The following TRPC5 variants were observed in gnomAD, a reference collection of about 807,000 sequenced individuals.
TRPC5 encodes transient receptor potential cation channel subfamily C member 5.
A neutral mutation model predicts 56.5 loss-of-function variants in TRPC5; 9 were observed. The ratio of observed to expected loss-of-function variants is 0.16; its 90% confidence interval spans 0.10 to 0.28. The LOEUF is 0.28. Ranked by LOEUF, TRPC5 falls within the 10% of genes least tolerant of loss-of-function variation. The pLI is 1.00. For missense variants in TRPC5, 469 were observed against 748.9 expected (o/e 0.63, Z 4.36); for synonymous variants, 282 against 278.5 (o/e 1.01, Z -0.13).
chrX:112,038,514 G>A (rs1929807736), intron 1 of TRPC5, among the ~76,000 whole-genome samples: 1 of 111,846 alleles, frequency 8.9e-6, no homozygotes, highest in Non-Finnish European at 1.9e-5. Context: ...TCCCTGTGCT[G>A]TAGGTGTTCT....
intron 1 of TRPC5, among the ~76,000 whole-genome samples, chrX:112,019,536 C>T (rs1929215595): frequency 9.0e-6 from 1 of 110,557 alleles, no homozygotes; most frequent in African/African-American, 3.3e-5. Context: ...CGCGGGTTCA[C>T]GCCATTCTCC....
chrX:111,834,259 T>C (rs1370198097), intron 7 of TRPC5, among the ~76,000 whole-genome samples: 1 of 111,415 alleles, frequency 9.0e-6, no homozygotes, highest in Non-Finnish European at 1.9e-5. Flanking sequence ...TAGGAGTGCC[T>C]TGCAATGGAG....
intron 1 of TRPC5, among the ~76,000 whole-genome samples, chrX:111,990,140 G>T (rs147007022): frequency 8.9e-6 from 1 of 112,272 alleles, no homozygotes; most frequent in Non-Finnish European, 1.9e-5. Context: ...CTTTGCAGCC[G>T]GGTGTAGTGG....
intron 7 of TRPC5, among the ~76,000 whole-genome samples, chrX:111,801,317 C>G (rs1213203077): frequency 8.9e-6 from 1 of 111,814 alleles, no homozygotes; most frequent in Non-Finnish European, 1.9e-5. Flanking sequence ...TGTTTCCACT[C>G]TTTGCTATTG....
chrX:111,968,935 C>A (rs1430324987), intron 1 of TRPC5, among the ~76,000 whole-genome samples: 1 of 105,549 alleles, frequency 9.5e-6, no homozygotes, highest in African/African-American at 3.5e-5. Context: ...TGTAACAAAC[C>A]TGCACATTGC....
At chrX:111,988,512 A>G (rs1252752337) in intron 1 of TRPC5, among the ~76,000 whole-genome samples, 3 of 110,679 alleles carry the variant, frequency 2.7e-5, no homozygotes, top group Non-Finnish European at 3.8e-5. Flanking sequence ...GCTTGGAAAC[A>G]TGAGTTGTCA....
At chrX:112,060,651 C>T in intron 1 of TRPC5, among the ~76,000 whole-genome samples, 1 of 111,755 alleles carries the variant, frequency 8.9e-6, no homozygotes, top group Middle Eastern at 4.6e-3. Flanking sequence ...ACTGGGGGTG[C>T]ACATGAACCT....
At chrX:111,903,145 A>G (rs1171743922) in intron 3 of TRPC5, 1 of 111,746 alleles carries the variant, frequency 8.9e-6, no homozygotes, top group East Asian at 2.8e-4. Context: ...GGAACTAGAT[A>G]AGATATATTC....
At chrX:111,940,939 G>A (rs1926760908) in intron 2 of TRPC5, among the ~76,000 whole-genome samples, 3 of 111,360 alleles carry the variant, frequency 2.7e-5, no homozygotes, top group African/African-American at 3.3e-5. Flanking sequence ...CTGCACACTT[G>A]AGTGTCTTGA....
intron 1 of TRPC5, among the ~76,000 whole-genome samples, chrX:111,972,464 T>G (rs17222629): frequency 0.11 from 12,141 of 111,724 alleles, 532 homozygotes; most frequent in African/African-American, 0.13. Context: ...GAAGAAAACT[T>G]TACTACGTGA....
intron 1 of TRPC5, among the ~76,000 whole-genome samples, chrX:112,025,805 A>G (rs2147714717): frequency 9.0e-6 from 1 of 111,297 alleles, no homozygotes; most frequent in African/African-American, 3.3e-5. Context: ...TAATAAAGCC[A>G]TAGTCCCACA....
At chrX:112,070,408 C>G (rs1930687864) in intron 1 of TRPC5, among the ~76,000 whole-genome samples, 1 of 111,145 alleles carries the variant, frequency 9.0e-6, no homozygotes, top group African/African-American at 3.3e-5. Context: ...TTTGGAATCT[C>G]CTGGGCCAAT....
At chrX:111,936,007 G>A (rs972364388) in intron 2 of TRPC5, among the ~76,000 whole-genome samples, 7 of 111,760 alleles carry the variant, frequency 6.3e-5, no homozygotes, top group Non-Finnish European at 9.4e-5. Flanking sequence ...TCTGAAGAAT[G>A]CCATTGGTAT....
Position 111,773,026 on chromosome X carries a change from C to T in TRPC5, c.*3287G>A, listed in dbSNP as rs1399573398. Among the ~76,000 whole-genome samples, 1 of 111,530 alleles carries T rather than the reference C, an allele frequency of 9.0e-6. No homozygotes were observed. The highest frequency in any genetic ancestry group is 3.3e-5 in the African/African-American group (1 of 30,686). On this transcript the variant is annotated 3_prime_UTR_variant, in exon 11 of 11. Coordinates refer to ENST00000262839, the MANE Select transcript of TRPC5 (RefSeq NM_012471.3). ...TATTAAGTCATTTGAAAAGTGGAGG[C>T]GTTCGTTTTTTAAAAATGATTTAAT...
At chrX:112,067,554 G>A (rs932957043) in intron 1 of TRPC5, among the ~76,000 whole-genome samples, 1 of 111,677 alleles carries the variant, frequency 9.0e-6, no homozygotes, top group African/African-American at 3.3e-5. Flanking sequence ...TGCTACCCTA[G>A]GTTGGTGGCA....
At chrX:111,787,922 T>G (rs1402390993) in intron 7 of TRPC5, among the ~76,000 whole-genome samples, 1 of 111,407 alleles carries the variant, frequency 9.0e-6, no homozygotes, top group Non-Finnish European at 1.9e-5. Flanking sequence ...CCATAATTAA[T>G]AGCCTACCAA....
rs781714847 is a variant in TRPC5 at position 111,967,308 on chromosome X, C to T, written c.-21-14867G>A. ...GACCTCTTCAAGGAGAACTACAAAC[C>T]ACTGCTCAAGGAAATAAAAGAGGAT... On this transcript the variant is annotated intron_variant, in intron 1 of 10. Transcript: ENST00000262839. 4.3e-3 allele frequency among the ~76,000 whole-genome samples: 477 copies of T among 110,685 alleles called. 3 individuals are homozygous for T. Among genetic ancestry groups the T allele is most frequent in the African/African-American group, 0.015 (461 of 30,393 alleles).
At chrX:111,797,740 G>A (rs1921150590) in intron 7 of TRPC5, among the ~76,000 whole-genome samples, 1 of 111,407 alleles carries the variant, frequency 9.0e-6, no homozygotes, top group African/African-American at 3.3e-5. Context: ...TGTTTTTGCT[G>A]TATTAATCTA....
At position 112,065,860 on chromosome X, in the gene TRPC5, G is replaced by A. The variant is rs1930570917; in HGVS notation, c.-22+16019C>T. 1.9e-5 allele frequency among the ~76,000 whole-genome samples: 2 copies of A among 107,569 alleles called. 1 individual carries two copies. The highest frequency in any genetic ancestry group is 2.0e-4 in the Admixed American group (2 of 10,132). 93.4% of individuals were successfully genotyped at this position (107,569 alleles called of 115,157 possible). A position where few individuals can be genotyped will look rare whatever the true frequency, so the allele number is the denominator to read the frequency against. On this transcript the variant is annotated intron_variant, in intron 1 of 10. Coordinates refer to ENST00000262839, the MANE Select transcript of TRPC5 (RefSeq NM_012471.3). Reference sequence around the variant, plus strand: ...AATTCCAGCCTGGATGACAGAGCAAGACTCTATTTCCAAAAAGAAAAAAAA... The same window carrying A: ...AATTCCAGCCTGGATGACAGAGCAAAACTCTATTTCCAAAAAGAAAAAAAA...
Sources: gnomAD v4.1 joint callset for allele counts (sites outside exome capture counted in the v4.1 genomes callset) on GRCh38, gnomAD v4.1.1 for gene constraint, MANE v1.5 for transcripts, NCBI Gene and HGNC (gene_info 2026-07-23, HGNC 2026-07-21) for gene names.